TXNDC9: variants seen among roughly 807,000 people sequenced by gnomAD.
TXNDC9 encodes the protein thioredoxin domain-containing protein 9.
In TXNDC9, 7 loss-of-function variants were observed where a neutral mutation model predicts 23.0. The observed-to-expected ratio is 0.30, with a 90% CI of 0.17 to 0.57. The LOEUF (loss-of-function observed/expected upper bound fraction) is 0.57, where lower values mean the gene tolerates loss of function less well. Ranked by LOEUF, TXNDC9 falls within the 20% of genes least tolerant of loss-of-function variation. The pLI is 0.90. For synonymous variants in TXNDC9, 72 were observed against 90.6 expected, an observed-to-expected ratio of 0.79 and a Z score of 1.17; for missense variants, 198 against 252.6, an observed-to-expected ratio of 0.78 and a Z score of 1.47.
chr2:99,326,516 C>T (rs2094213084), intron 3 of TXNDC9, among the ~76,000 whole-genome samples: 2 of 152,306 alleles, frequency 1.3e-5, no homozygotes, highest in African/African-American at 4.8e-5. Context: ...AAGAAAAATT[C>T]TAAGTGTGGA....
rs1559235641 is a variant in TXNDC9 at position 99,327,617 on chromosome 2, T to G, written c.226A>C (p.Ile76Leu). 1 of 1,613,800 alleles carries G rather than the reference T, an allele frequency of 6.2e-7. No individual in the cohort carries two copies. The part of the protein sequence containing the change: ...LSKGHGEYRE[I>L]PSERDFFQEV... ...TGAAAAAAGTCTCTTTCACTAGGGA[T>G]TTCTCTGTATTCCCCATGTCCTTTA... is the stretch of plus-strand genomic sequence containing the variant. The change falls in exon 3 of 5, where the codon ATC (isoleucine) becomes CTC (leucine). Residue 76 changes from isoleucine to leucine, a missense_variant. Coordinates refer to ENST00000264255, the MANE Select transcript of TXNDC9 (RefSeq NM_005783.4).
chr2:99,318,782 G>A (rs74668324), downstream of TXNDC9, among the ~76,000 whole-genome samples: 425 of 152,286 alleles, frequency 2.8e-3, 4 homozygotes, highest in Non-Finnish European at 5.0e-3. Flanking sequence ...GGTGGAGGAA[G>A]GAGTGCCAAA....
chr2:99,335,831 C>T (rs1259398134), intron 1 of TXNDC9, among the ~76,000 whole-genome samples: 1 of 152,182 alleles, frequency 6.6e-6, no homozygotes, highest in African/African-American at 2.4e-5. Context: ...GACGATGCAA[C>T]CCCTCGTTAG....
At chr2:99,323,119 T>G (rs911141377) in intron 3 of TXNDC9, among the ~76,000 whole-genome samples, 8 of 152,038 alleles carry the variant, frequency 5.3e-5, no homozygotes, top group Admixed American at 2.6e-4. Flanking sequence ...GAAGTGAGAT[T>G]TTCTTGGCCA....
At chr2:99,314,586 A>T (rs2094184368), downstream of TXNDC9, among the ~76,000 whole-genome samples, 1 of 121,902 alleles carries the variant, frequency 8.2e-6, no homozygotes, top group African/African-American at 3.2e-5. Context: ...GCTGGAGTGC[A>T]GTGGCGCGAT....
At chr2:99,332,322 A>G (rs1187813407) in intron 2 of TXNDC9, among the ~76,000 whole-genome samples, 1 of 152,192 alleles carries the variant, frequency 6.6e-6, no homozygotes. Flanking sequence ...GTGCGCCTGT[A>G]GTCCCAGCTA....
intron 1 of TXNDC9, among the ~76,000 whole-genome samples, chr2:99,334,870 C>G (rs2094234961): frequency 6.6e-6 from 1 of 152,228 alleles, no homozygotes; most frequent in Non-Finnish European, 1.5e-5. Flanking sequence ...CGCCACCACG[C>G]CCGGCTAATT....
intron 3 of TXNDC9, among the ~76,000 whole-genome samples, chr2:99,326,420 G>A (rs1441038427): frequency 6.6e-6 from 1 of 152,238 alleles, no homozygotes; most frequent in Non-Finnish European, 1.5e-5. Context: ...CACAGTGCTT[G>A]TCTGTCCTGG....
At chr2:99,314,553 C>CA (rs1301218017), downstream of TXNDC9, among the ~76,000 whole-genome samples, 1 of 30,558 alleles carries the variant, frequency 3.3e-5, no homozygotes, top group Non-Finnish European at 6.1e-5. Context: ...TTTTTTGAGA[C>CA]AGAGTCTCAC....
chr2:99,322,863 GCC>G, intron 3 of TXNDC9: 3 of 481,692 alleles, frequency 6.2e-6, no homozygotes, highest in Non-Finnish European at 9.2e-6. Flanking sequence ...CCTGGTTCAT[GCC>G]ATTCTCCTGC....
the TXNDC9 span, among the ~76,000 whole-genome samples, chr2:99,309,653 G>A: frequency 3.3e-5 from 5 of 152,042 alleles, no homozygotes; most frequent in African/African-American, 1.2e-4. Context: ...GGCCGACATG[G>A]TTTATCTTCA....
At chr2:99,309,335 C>T in the TXNDC9 span, among the ~76,000 whole-genome samples, 6 of 151,832 alleles carry the variant, frequency 4.0e-5, no homozygotes, top group African/African-American at 1.2e-4. Flanking sequence ...GATCATGTCA[C>T]TTCACTCCAG....
chr2:99,315,519 AGT>A (rs561004717), downstream of TXNDC9, among the ~76,000 whole-genome samples: 347 of 152,294 alleles, frequency 2.3e-3, 4 homozygotes, highest in African/African-American at 8.1e-3. Flanking sequence ...AATTGCAGCA[AGT>A]GTTTTTATAT....
chr2:99,313,103 A>C, the TXNDC9 span, among the ~76,000 whole-genome samples: 1 of 152,066 alleles, frequency 6.6e-6, no homozygotes, highest in Non-Finnish European at 1.5e-5. Flanking sequence ...CGGAGGTTAC[A>C]TTGAGCTGAG....
At chr2:99,307,105 TCTCA>T in the TXNDC9 span, among the ~76,000 whole-genome samples, 385 of 120,932 alleles carry the variant, frequency 3.2e-3, 1 homozygote, top group African/African-American at 9.7e-3. Context: ...TCTCTCTCCT[TCTCA>T]CTCTCTCTCT....
chr2:99,331,956 C>T (rs1003170516), intron 2 of TXNDC9, among the ~76,000 whole-genome samples: 3 of 152,036 alleles, frequency 2.0e-5, no homozygotes, highest in Non-Finnish European at 4.4e-5. Context: ...TATTGAACTC[C>T]CGACCTCAGG....
the TXNDC9 span, among the ~76,000 whole-genome samples, chr2:99,308,379 T>C: frequency 6.6e-6 from 1 of 152,234 alleles, no homozygotes; most frequent in Non-Finnish European, 1.5e-5. Flanking sequence ...GCATAACAGC[T>C]TAAAATGAGC....
downstream of TXNDC9, among the ~76,000 whole-genome samples, chr2:99,314,529 C>CTTTTTTTTTT (rs55729391): frequency 6.4e-3 from 626 of 97,398 alleles, 35 homozygotes; most frequent in African/African-American, 7.0e-3. Context: ...AATACTACAC[C>CTTTTTTTTTT]TTTTTTTTTT....
the TXNDC9 span, among the ~76,000 whole-genome samples, chr2:99,311,664 T>C: frequency 6.6e-6 from 1 of 151,532 alleles, no homozygotes; most frequent in Non-Finnish European, 1.5e-5. Context: ...TGAGCCACCA[T>C]GCCCAGCCCT....
Sources: allele counts gnomAD v4.1 joint callset (sites outside exome capture counted in the v4.1 genomes callset), GRCh38; gene constraint gnomAD v4.1.1; transcripts MANE v1.5; gene names NCBI Gene and HGNC (gene_info 2026-07-23, HGNC 2026-07-21).